Variants in CAMK2G observed in about 807,000 individuals in gnomAD.
The protein encoded by CAMK2G is calcium/calmodulin dependent protein kinase II gamma, also known as calcium/calmodulin-dependent protein kinase type II subunit gamma.
A neutral mutation model predicts 88.7 loss-of-function variants in CAMK2G; 23 were observed. The ratio of observed to expected loss-of-function variants is 0.26; its 90% confidence interval spans 0.19 to 0.37. The LOEUF is 0.37. Among genes scored for constraint, CAMK2G ranks in the 10% least tolerant of loss-of-function variants. The pLI is 1.00. For missense variants in CAMK2G, 476 were observed against 780.8 expected, an observed-to-expected ratio of 0.61 and a Z score of 4.65; for synonymous variants, 263 against 294.8, an observed-to-expected ratio of 0.89 and a Z score of 1.11.
rs2093834438 is a variant in CAMK2G at position 73,842,072 on chromosome 10, G to A, written c.946+97C>T. The A allele has an allele frequency of 2.1e-6, 2 of 935,074 alleles. No homozygotes were observed. The highest frequency in any genetic ancestry group is 2.6e-5 in the South Asian group (2 of 76,824). 57.9% of individuals were successfully genotyped at this position (935,074 alleles called of 1,614,324 possible). A position where few individuals can be genotyped will look rare whatever the true frequency, so the allele number is the denominator to read the frequency against. On this transcript the variant is annotated intron_variant, in intron 12 of 22. Transcript: ENST00000423381. The surrounding 1 kb of genome is among the most constrained non-coding windows in gnomAD (Gnocchi z 4.6). Reference sequence around the variant, plus strand: ...CTCGCCCTGGTCAAGGTGTGGCCCAGGACGCCGAGGAAACCCAGCGGTGCC... The same window carrying A: ...CTCGCCCTGGTCAAGGTGTGGCCCAAGACGCCGAGGAAACCCAGCGGTGCC...
Position 73,853,379 on chromosome 10 carries a change from G to C in CAMK2G, c.221-133C>G, listed in dbSNP as rs1590962795. 17 of 752,122 alleles carry C rather than the reference G, an allele frequency of 2.3e-5. No individual in the cohort carries two copies. The East Asian group carries it at 4.6e-4, about 20-fold the overall frequency. 46.6% of individuals were successfully genotyped at this position (752,122 alleles called of 1,614,324 possible). A position where few individuals can be genotyped will look rare whatever the true frequency, so the allele number is the denominator to read the frequency against. On this transcript the variant is annotated intron_variant, in intron 3 of 22. Transcript: ENST00000423381. ...TCTCCAGAAGGAGCAGTGGGGGGAA[G>C]TGGCGACGTGCCCAGTGCCCCCCAG...
chr10:73,852,342 G>A, intron 4 of CAMK2G, 23 bp from the exon 5 acceptor site: 1 of 1,608,680 alleles, frequency 6.2e-7, no homozygotes, highest in Non-Finnish European at 8.5e-7. Context: ...GGAAGAAGAG[G>A]GTCAGAGGCA....
At chr10:73,833,909 GTTTTTTTTTTT>G (rs778838628) in intron 14 of CAMK2G, among the ~76,000 whole-genome samples, 18 of 63,416 alleles carry the variant, frequency 2.8e-4, no homozygotes, top group South Asian at 2.3e-3. Flanking sequence ...TATCTACTGG[GTTTTTTTTTTT>G]TTTTTTTTTT....
rs1324540924 is a variant in CAMK2G, at chr10:73,839,695, G to A, written c.947-94C>T. On this transcript the variant is annotated intron_variant, in intron 12 of 22. Transcript: ENST00000423381. The surrounding 1 kb of genome is among the most constrained non-coding windows in gnomAD (Gnocchi z 4.2). Reference sequence around the variant, plus strand: ...CCCAGCGCGAGGCGCAGCCCAGGCGGCGTGGCCAAGCCAGCCGAGCTGGGG... The same window carrying A: ...CCCAGCGCGAGGCGCAGCCCAGGCGACGTGGCCAAGCCAGCCGAGCTGGGG... The A allele has an allele frequency of 1.3e-5, 10 of 758,860 alleles. 1 individual carries two copies. Among genetic ancestry groups the A allele is most frequent in the Non-Finnish European group, 1.8e-5 (10 of 555,880 alleles). 47.0% of individuals were successfully genotyped at this position (758,860 alleles called of 1,614,324 possible). A position where few individuals can be genotyped will look rare whatever the true frequency, so the allele number is the denominator to read the frequency against.
intron 18 of CAMK2G, among the ~76,000 whole-genome samples, chr10:73,820,775 C>T (rs1454111876): frequency 1.3e-5 from 2 of 148,676 alleles, no homozygotes; most frequent in African/African-American, 2.5e-5. Flanking sequence ...CAGGTTCAAG[C>T]GATTCTCCCA....
At chr10:73,866,654 A>G (rs1415757476) in intron 2 of CAMK2G, among the ~76,000 whole-genome samples, 2 of 152,248 alleles carry the variant, frequency 1.3e-5, no homozygotes, top group East Asian at 3.9e-4. Context: ...GACCCTAAAC[A>G]TGGATGTGAG....
Position 73,872,973 on chromosome 10 carries a change from G to C in CAMK2G, c.160+16C>G, listed in dbSNP as rs778588699. 34 of 1,553,940 alleles carry C rather than the reference G, an allele frequency of 2.2e-5. 2 individuals carry two copies. In the South Asian group the frequency reaches 3.4e-4, roughly 16 times the overall value. ...GGAGGCACCCTCAGGAAGAGGTCAAGACAGGGAACACTCACCCCGGGCAGA... is the reference window on the plus strand; with the variant it reads ...GGAGGCACCCTCAGGAAGAGGTCAACACAGGGAACACTCACCCCGGGCAGA... On this transcript the variant is annotated intron_variant, in intron 2 of 22. Transcript: ENST00000423381.
intron 6 of CAMK2G, 50 bp from the exon 7 acceptor site, chr10:73,849,165 A>G (rs1418336195): frequency 1.3e-6 from 2 of 1,581,200 alleles, no homozygotes; most frequent in Non-Finnish European, 1.7e-6. Flanking sequence ...TGCAGCCCAG[A>G]GGAAGCCTAG....
intron 3 of CAMK2G, among the ~76,000 whole-genome samples, chr10:73,857,030 G>T (rs1053771469): frequency 6.6e-6 from 1 of 152,208 alleles, no homozygotes; most frequent in East Asian, 1.9e-4. Context: ...GCTTGTGGGG[G>T]ACTGAGCTGC....
intron 10 of CAMK2G, among the ~76,000 whole-genome samples, chr10:73,844,761 T>TAGC (rs1303612675): frequency 6.6e-6 from 1 of 152,250 alleles, no homozygotes; most frequent in East Asian, 1.9e-4. Flanking sequence ...CCTCAATGCC[T>TAGC]AGCTCCCCAT....
intron 16 of CAMK2G, 102 bp from the exon 17 acceptor site, chr10:73,824,186 T>C: frequency 1.2e-6 from 1 of 823,870 alleles, no homozygotes; most frequent in Non-Finnish European, 2.1e-6. Context: ...GACCCTATGA[T>C]GACCACTGAG....
chr10:73,857,805 A>C (rs982114753), intron 3 of CAMK2G, among the ~76,000 whole-genome samples: 6 of 152,200 alleles, frequency 3.9e-5, no homozygotes, highest in African/African-American at 1.4e-4. Flanking sequence ...CCACACTCCC[A>C]GCGCTGTTTG....
intron 14 of CAMK2G, among the ~76,000 whole-genome samples, chr10:73,833,795 C>A (rs1415916503): frequency 6.6e-6 from 1 of 150,782 alleles, no homozygotes; most frequent in Non-Finnish European, 1.5e-5. Flanking sequence ...GAGGGGGTTT[C>A]ACCATGTTGG....
At chr10:73,817,242 G>T in intron 20 of CAMK2G, 125 bp from the exon 21 acceptor site, 6 of 1,334,728 alleles carry the variant, frequency 4.5e-6, no homozygotes, top group Non-Finnish European at 6.1e-6. Flanking sequence ...AGACAGCAAA[G>T]ATCTTCCAGG....
intron 5 of CAMK2G, 46 bp from the exon 6 acceptor site, chr10:73,849,379 C>G: frequency 7.3e-7 from 1 of 1,378,638 alleles, no homozygotes; most frequent in Non-Finnish European, 1.0e-6. Flanking sequence ...GGTTAAACCA[C>G]CTCATCCACA....
At chr10:73,854,825 C>G (rs535975773) in intron 3 of CAMK2G, among the ~76,000 whole-genome samples, 21 of 152,272 alleles carry the variant, frequency 1.4e-4, no homozygotes, top group Non-Finnish European at 2.4e-4. Context: ...CTGAGGACTC[C>G]GAAGCCTGCC....
rs951213763 is a variant in CAMK2G, at chr10:73,842,031, C to T, written c.946+138G>A. ...GGACTCAGCAGCAGCAGCAGCCCCT[C>T]AAAACAGGATCCTCACTCGCCCTGG... On this transcript the variant is annotated intron_variant, in intron 12 of 22. Coordinates refer to ENST00000423381, the MANE Select transcript of CAMK2G (RefSeq NM_001367534.1). The surrounding 1 kb of genome is among the most constrained non-coding windows in gnomAD (Gnocchi z 4.6). 2.7e-6 allele frequency: 2 copies of T among 735,924 alleles called. No homozygotes were observed. Among genetic ancestry groups the T allele is most frequent in the African/African-American group, 3.5e-5 (2 of 57,932 alleles). 45.6% of individuals were successfully genotyped at this position (735,924 alleles called of 1,614,324 possible).
intron 21 of CAMK2G, chr10:73,815,930 G>A: frequency 1.0e-6 from 1 of 983,182 alleles, no homozygotes; most frequent in Non-Finnish European, 1.2e-6. Flanking sequence ...ATGTTAGACA[G>A]GGGCTACATG....
At chr10:73,820,275 C>T (rs2087460579) in intron 18 of CAMK2G, among the ~76,000 whole-genome samples, 1 of 151,508 alleles carries the variant, frequency 6.6e-6, no homozygotes, top group Non-Finnish European at 1.5e-5. Flanking sequence ...GCCTGCCATG[C>T]CCTCCCACCG....
Sources: allele counts gnomAD v4.1 joint callset (sites outside exome capture counted in the v4.1 genomes callset), GRCh38; gene constraint gnomAD v4.1.1; non-coding constraint Gnocchi (gnomAD v3.1); transcripts MANE v1.5; gene names NCBI Gene and HGNC (gene_info 2026-07-23, HGNC 2026-07-21).